The following NCKAP1 variants were observed in gnomAD, a reference collection of about 807,000 sequenced individuals.
NCKAP1 encodes the protein nck-associated protein 1.
Under a neutral mutation model 151.2 loss-of-function variants are expected in NCKAP1, and 21 were observed. That is an observed-to-expected ratio of 0.14 (90% CI 0.10 to 0.20). The LOEUF (loss-of-function observed/expected upper bound fraction) is 0.20, where lower values mean the gene tolerates loss of function less well. Among genes scored for constraint, NCKAP1 ranks in the 10% least tolerant of loss-of-function variants. The probability of loss-of-function intolerance (pLI) is 1.00; values close to 1 mark genes in which losing one functional copy is unlikely to be tolerated. For synonymous variants in NCKAP1, 484 were observed against 451.8 expected, an observed-to-expected ratio of 1.07 and a Z score of -0.90; for missense variants, 933 against 1,352.1, an observed-to-expected ratio of 0.69 and a Z score of 4.86.
intron 8 of NCKAP1, among the ~76,000 whole-genome samples, chr2:182,993,306 G>A (rs1575053070): frequency 6.6e-6 from 1 of 152,024 alleles, no homozygotes; most frequent in East Asian, 1.9e-4. Context: ...ATTTTTTCCC[G>A]TATTTTAATT....
At chr2:182,934,876 G>T in intron 25 of NCKAP1, 44 bp from the exon 26 acceptor site, 1 of 909,318 alleles carries the variant, frequency 1.1e-6, no homozygotes, top group Non-Finnish European at 1.7e-6. Context: ...TTTTTAAATG[G>T]CAACCCCTAA....
At chr2:182,942,261 C>G (rs1369075983) in intron 23 of NCKAP1, 98 bp from the exon 24 acceptor site, 2 of 848,710 alleles carry the variant, frequency 2.4e-6, no homozygotes, top group Non-Finnish European at 3.7e-6. Flanking sequence ...GTAGGAAACA[C>G]AATTCATGAA....
rs1696470557 is a variant in NCKAP1, at chr2:182,916,447, G to A, written c.*9255C>T. The A allele has an allele frequency of 1.3e-5, 2 of 152,166 alleles. No homozygotes were observed. The highest frequency in any genetic ancestry group is 4.1e-4 in the South Asian group (2 of 4,834). 9.4% of individuals were successfully genotyped at this position (152,166 alleles called of 1,614,324 possible). The stretch of plus-strand genomic sequence containing the variant: ...CAGACAGAAAGATGAAATAAACCTA[G>A]ACCGTGACCTCAAGGCAGTCCCAGA... On this transcript the variant is annotated 3_prime_UTR_variant, in exon 31 of 31. Coordinates refer to ENST00000361354, the MANE Select transcript of NCKAP1 (RefSeq NM_013436.5).
chr2:183,028,242 G>A (rs1412841204), intron 1 of NCKAP1, among the ~76,000 whole-genome samples: 1 of 151,206 alleles, frequency 6.6e-6, no homozygotes, highest in Non-Finnish European at 1.5e-5. Flanking sequence ...TACACAGAAA[G>A]AAAACTATGC....
intron 3 of NCKAP1, 21 bp downstream of exon 3, chr2:183,003,212 A>G (rs1575059255): frequency 1.5e-6 from 2 of 1,358,450 alleles, no homozygotes; most frequent in South Asian, 1.3e-5. Flanking sequence ...AGTGTTAAAT[A>G]TTATATATTA....
At chr2:182,941,513 G>T (rs1696994247) in intron 24 of NCKAP1, among the ~76,000 whole-genome samples, 3 of 152,334 alleles carry the variant, frequency 2.0e-5, no homozygotes, top group South Asian at 4.1e-4. Context: ...TATAGTGACA[G>T]AAATAAGATC....
intron 8 of NCKAP1, among the ~76,000 whole-genome samples, chr2:182,990,802 A>G (rs1698151653): frequency 6.6e-6 from 1 of 152,186 alleles, no homozygotes; most frequent in Non-Finnish European, 1.5e-5. Flanking sequence ...TCTTAGCTCA[A>G]GCTTCCTTCT....
intron 18 of NCKAP1, among the ~76,000 whole-genome samples, chr2:182,959,962 G>C (rs1052011525): frequency 6.6e-6 from 1 of 152,148 alleles, no homozygotes; most frequent in Non-Finnish European, 1.5e-5. Context: ...GCCAAATCAT[G>C]AGTGAACTCC....
chr2:183,037,565 C>G (rs1222617336), intron 1 of NCKAP1, among the ~76,000 whole-genome samples: 1 of 152,240 alleles, frequency 6.6e-6, no homozygotes, highest in Non-Finnish European at 1.5e-5. Flanking sequence ...GGTGTAATCC[C>G]TGTTCACTGC....
At chr2:183,027,807 A>C (rs1698927167) in intron 1 of NCKAP1, among the ~76,000 whole-genome samples, 1 of 152,202 alleles carries the variant, frequency 6.6e-6, no homozygotes, top group South Asian at 2.1e-4. Context: ...ACCCAAACTC[A>C]AAAAACTTTC....
chr2:182,969,420 A>G (rs1050245117), intron 15 of NCKAP1, among the ~76,000 whole-genome samples: 3 of 152,180 alleles, frequency 2.0e-5, no homozygotes, highest in African/African-American at 7.2e-5. Flanking sequence ...AACCTATGAA[A>G]TACAGCAAAA....
chr2:183,035,568 T>C (rs1310523089), intron 1 of NCKAP1, among the ~76,000 whole-genome samples: 2 of 152,112 alleles, frequency 1.3e-5, no homozygotes, highest in East Asian at 3.8e-4. Flanking sequence ...GAAAAGAGTA[T>C]GTGGTTTATA....
chr2:182,961,435 T>TG (rs1424156283), intron 18 of NCKAP1, among the ~76,000 whole-genome samples: 4 of 152,184 alleles, frequency 2.6e-5, no homozygotes, highest in Non-Finnish European at 5.9e-5. Context: ...TGTAGGGACA[T>TG]GGGTGAAGCT....
intron 13 of NCKAP1, among the ~76,000 whole-genome samples, chr2:182,980,607 G>A (rs1448366653): frequency 6.6e-6 from 1 of 151,516 alleles, no homozygotes; most frequent in Non-Finnish European, 1.5e-5. Context: ...ATTATGGAAA[G>A]CAAAAAAAGG....
chr2:183,032,109 G>A (rs1037712955), intron 1 of NCKAP1, among the ~76,000 whole-genome samples: 1 of 152,078 alleles, frequency 6.6e-6, no homozygotes, highest in Non-Finnish European at 1.5e-5. Context: ...TATGGAATTT[G>A]GAAAAACCTT....
chr2:183,015,721 A>C (rs779406978), intron 2 of NCKAP1, among the ~76,000 whole-genome samples: 1 of 151,844 alleles, frequency 6.6e-6, no homozygotes, highest in Non-Finnish European at 1.5e-5. Context: ...CAAACCAAGC[A>C]CTTAGGCCTT....
intron 17 of NCKAP1, among the ~76,000 whole-genome samples, 200 bp from the exon 18 acceptor site, chr2:182,962,478 T>C (rs892856024): frequency 3.3e-5 from 5 of 152,188 alleles, no homozygotes; most frequent in African/African-American, 1.2e-4. Context: ...AAGTATTTGG[T>C]GATTGTGAAA....
At chr2:183,009,200 T>C (rs1698538884) in intron 2 of NCKAP1, among the ~76,000 whole-genome samples, 1 of 151,902 alleles carries the variant, frequency 6.6e-6, no homozygotes, top group African/African-American at 2.4e-5. Flanking sequence ...ATGGTGAAAC[T>C]CCATCTCTAC....
chr2:182,934,795 A>G lies in NCKAP1; in HGVS notation c.2816T>C (p.Ile939Thr), dbSNP rs1418757580. ...TGGAATGTGATCCTTAAAATCTTCA[A>G]TTGAACTTACAAGAAAAGGAATGTG... The part of the protein sequence containing the change: ...SYHIPFLVSS[I>T]EDFKDHIPRE... The change falls in exon 26 of 31, where the codon ATT becomes ACT. Residue 939 changes from isoleucine to threonine, a missense_variant. Transcript: ENST00000361354. 2.0e-6 allele frequency: 3 copies of G among 1,486,950 alleles called. No homozygotes were observed. Among genetic ancestry groups the G allele is most frequent in the East Asian group, 2.3e-5 (1 of 43,564 alleles). The allele number at this position is 1,486,950 out of a possible 1,614,324, so 92.1% of individuals were successfully genotyped here.
Sources: gnomAD v4.1 joint callset for allele counts (sites outside exome capture counted in the v4.1 genomes callset) on GRCh38, gnomAD v4.1.1 for gene constraint, MANE v1.5 for transcripts, NCBI Gene and HGNC (gene_info 2026-07-23, HGNC 2026-07-21) for gene names.